Variants in TAOK3 observed in about 807,000 individuals in gnomAD.
The protein encoded by TAOK3 is serine/threonine-protein kinase TAO3.
In TAOK3, 40 loss-of-function variants were observed where a neutral mutation model predicts 120.4. That is an observed-to-expected ratio of 0.33 (90% CI 0.26 to 0.43). The LOEUF (loss-of-function observed/expected upper bound fraction) is 0.43, where lower values mean the gene tolerates loss of function less well. Ranked by LOEUF, TAOK3 falls within the 20% of genes least tolerant of loss-of-function variation. The pLI is 1.00. For synonymous variants in TAOK3, 355 were observed against 387.5 expected, an observed-to-expected ratio of 0.92 and a Z score of 0.99; for missense variants, 821 against 1,112.1, an observed-to-expected ratio of 0.74 and a Z score of 3.72.
chr12:118,215,179 C>CCATAATGAAACA (rs2038829677), intron 9 of TAOK3, among the ~76,000 whole-genome samples: 2 of 147,314 alleles, frequency 1.4e-5, no homozygotes, highest in Admixed American at 1.3e-4. Flanking sequence ...GCACCCAGTC[C>CCATAATGAAACA]CATAATGAAA....
At chr12:118,246,071 G>T in intron 3 of TAOK3, 1 of 992,770 alleles carries the variant, frequency 1.0e-6, no homozygotes, top group Non-Finnish European at 1.4e-6. Flanking sequence ...CTTCTTTTCC[G>T]AGAAAACAAC....
chr12:118,169,316 A>C (rs1031023144), intron 17 of TAOK3, among the ~76,000 whole-genome samples: 7,767 of 64,362 alleles, frequency 0.12, no homozygotes, highest in African/African-American at 0.13. Context: ...GCCCACCCCC[A>C]CCCCCCCCCC....
intron 1 of TAOK3, among the ~76,000 whole-genome samples, chr12:118,334,137 C>CAAAAA (rs57605394): frequency 9.0e-5 from 7 of 77,628 alleles, no homozygotes; most frequent in Non-Finnish European, 1.5e-4. Context: ...CTCCCATCTC[C>CAAAAA]AAAAAAAAAA....
Position 118,244,527 on chromosome 12 carries a change from C to CTTTTTTTTTTTTT in TAOK3, c.192+366_192+367insAAAAAAAAAAAAA, listed in dbSNP as rs377072006. On this transcript the variant is annotated intron_variant, in intron 4 of 20. Coordinates refer to ENST00000392533, the MANE Select transcript of TAOK3 (RefSeq NM_016281.4). ...AAAGAATTTTGTTAATTTCTTTTTT[C>CTTTTTTTTTTTTT]TTTTTCTTTTTTTTTTTTTGAGACA... Among the ~76,000 whole-genome samples the CTTTTTTTTTTTTT allele has an allele frequency of 1.5e-5, 2 of 129,558 alleles. 1 individual carries two copies. 85.0% of individuals were successfully genotyped at this position (129,558 alleles called of 152,430 possible).
chr12:118,205,678 T>C (rs2038262950), intron 11 of TAOK3, among the ~76,000 whole-genome samples: 1 of 152,162 alleles, frequency 6.6e-6, no homozygotes, highest in African/African-American at 2.4e-5. Flanking sequence ...TGGTGCAATC[T>C]CAGCTCGCTG....
At chr12:118,323,120 A>G (rs572849817) in intron 1 of TAOK3, among the ~76,000 whole-genome samples, 1 of 152,244 alleles carries the variant, frequency 6.6e-6, no homozygotes, top group East Asian at 1.9e-4. Context: ...AACATCCCAT[A>G]AACAGCTAGG....
intron 1 of TAOK3, among the ~76,000 whole-genome samples, chr12:118,288,319 C>T (rs77533092): frequency 0.038 from 5,776 of 152,082 alleles, 179 homozygotes; most frequent in Middle Eastern, 0.075. Context: ...TGGAACCCTC[C>T]AATGTGACTG....
intron 19 of TAOK3, among the ~76,000 whole-genome samples, chr12:118,156,928 C>T (rs890450873): frequency 1.3e-5 from 2 of 151,968 alleles, no homozygotes; most frequent in African/African-American, 4.8e-5. Flanking sequence ...TTAGTAGAGA[C>T]AGGGTTTTAC....
At chr12:118,200,249 T>A (rs928196354) in intron 12 of TAOK3, 2 of 152,244 alleles carry the variant, frequency 1.3e-5, no homozygotes, top group Non-Finnish European at 2.9e-5. Context: ...TATGTTTATT[T>A]TATTTTCTGT....
chr12:118,349,781 A>C (rs995449383), intron 1 of TAOK3, among the ~76,000 whole-genome samples: 12 of 152,208 alleles, frequency 7.9e-5, no homozygotes, highest in Non-Finnish European at 1.6e-4. Context: ...TAAAAAAAAC[A>C]CAAAAAACAG....
At chr12:118,254,021 C>T (rs2040873647) in intron 3 of TAOK3, among the ~76,000 whole-genome samples, 1 of 152,234 alleles carries the variant, frequency 6.6e-6, no homozygotes, top group East Asian at 1.9e-4. Flanking sequence ...TGCCACTGTA[C>T]TCCAGCCTGG....
intron 13 of TAOK3, among the ~76,000 whole-genome samples, chr12:118,195,398 T>C (rs1230926453): frequency 6.6e-6 from 1 of 152,170 alleles, no homozygotes; most frequent in African/African-American, 2.4e-5. Flanking sequence ...TACACAATGA[T>C]TTTAAGGAGT....
chr12:118,297,978 C>T (rs966706607), intron 1 of TAOK3, among the ~76,000 whole-genome samples: 2 of 152,178 alleles, frequency 1.3e-5, no homozygotes, highest in African/African-American at 2.4e-5. Context: ...TGGGCTCTCA[C>T]TGTGTTGCCC....
chr12:118,366,024 G>T (rs1248783696), intron 1 of TAOK3, among the ~76,000 whole-genome samples: 1 of 152,144 alleles, frequency 6.6e-6, no homozygotes, highest in Non-Finnish European at 1.5e-5. Context: ...CAGCACTTTG[G>T]GAGGCTGAAG....
chr12:118,151,032 C>A lies in TAOK3; in HGVS notation c.2662G>T (p.Val888Phe), dbSNP rs2034362979. 7 of 1,603,820 alleles carry A rather than the reference C, an allele frequency of 4.4e-6. No individual in the cohort carries two copies. Among genetic ancestry groups the A allele is most frequent in the East Asian group, 2.2e-5 (1 of 44,446 alleles). ...ESLRMGFGNL[V>F]TLDFPKEDYR ...TCCTCCTTAGGAAAATCTAATGTAACCAAATTCCCAAATCCCATTCTGAGG... is the reference window on the plus strand; with the variant it reads ...TCCTCCTTAGGAAAATCTAATGTAAACAAATTCCCAAATCCCATTCTGAGG... Residue 888 changes from valine (V) to phenylalanine (F), a missense_variant, in exon 21 of 21, where the codon GTT (valine) becomes TTT (phenylalanine). This residue lies in a region of TAOK3 where 354 missense variants were observed against 572.1 expected (regional missense o/e 0.62). Coordinates refer to ENST00000392533, the MANE Select transcript of TAOK3 (RefSeq NM_016281.4).
intron 1 of TAOK3, among the ~76,000 whole-genome samples, chr12:118,341,491 A>C (rs1380713106): frequency 1.3e-5 from 2 of 152,150 alleles, no homozygotes; most frequent in Non-Finnish European, 2.9e-5. Context: ...TTAAAAATTA[A>C]ACTTAGAAGT....
At chr12:118,193,649 A>G (rs2037552933) in intron 13 of TAOK3, among the ~76,000 whole-genome samples, 1 of 151,950 alleles carries the variant, frequency 6.6e-6, no homozygotes, top group African/African-American at 2.4e-5. Flanking sequence ...GGGTCTCACT[A>G]TGTTGCCCAG....
intron 2 of TAOK3, among the ~76,000 whole-genome samples, chr12:118,258,227 G>A (rs1372013277): frequency 6.6e-6 from 1 of 152,058 alleles, no homozygotes; most frequent in African/African-American, 2.4e-5. Context: ...TTATCCTGAG[G>A]GAAAGGGGAA....
At position 118,291,404 on chromosome 12, in the gene TAOK3, G is replaced by GC. The variant is rs569063299; in HGVS notation, c.-193-24646dup. On this transcript the variant is annotated intron_variant, in intron 1 of 20. Coordinates refer to ENST00000392533, the MANE Select transcript of TAOK3 (RefSeq NM_016281.4). ...TTGAAGTCCTGACCTTAGGTGATTC[G>GC]CCCGCCTCGGCCTCCCAAAGTGCTG... is the stretch of plus-strand genomic sequence containing the variant. 2.1e-3 allele frequency among the ~76,000 whole-genome samples: 321 copies of GC among 151,930 alleles called. 1 individual carries two copies. The highest frequency in any genetic ancestry group is 7.4e-3 in the African/African-American group (308 of 41,424).
Sources: allele counts gnomAD v4.1 joint callset (sites outside exome capture counted in the v4.1 genomes callset), GRCh38; gene constraint gnomAD v4.1.1; regional missense constraint gnomAD v4.1.1; transcripts MANE v1.5; gene names NCBI Gene and HGNC (gene_info 2026-07-23, HGNC 2026-07-21).